The following GABRR2 variants were observed in gnomAD, a reference collection of about 807,000 sequenced individuals.
The protein encoded by GABRR2 is gamma-aminobutyric acid receptor subunit rho-2.
A neutral mutation model predicts 47.0 loss-of-function variants in GABRR2; 36 were observed. The ratio of observed to expected loss-of-function variants is 0.77; its 90% CI spans 0.59 to 1.01. GABRR2 has a LOEUF of 1.01. Among genes scored for constraint, GABRR2 ranks in the 50% least tolerant of loss-of-function variants. The pLI is 0.00. For synonymous variants in GABRR2, 204 were observed against 227.5 expected, an observed-to-expected ratio of 0.90 and a Z score of 0.93; for missense variants, 587 against 594.6, an observed-to-expected ratio of 0.99 and a Z score of 0.13.
chr6:89,262,297 G>A (rs1192184612), intron 8 of GABRR2, among the ~76,000 whole-genome samples: 1 of 152,148 alleles, frequency 6.6e-6, no homozygotes, highest in Non-Finnish European at 1.5e-5. Flanking sequence ...GGTGAACATG[G>A]GTTGTATGTT....
At chr6:89,261,776 G>A (rs1582432488) in intron 8 of GABRR2, among the ~76,000 whole-genome samples, 1 of 152,166 alleles carries the variant, frequency 6.6e-6, no homozygotes, top group South Asian at 2.1e-4. Context: ...GGTGGTTCAT[G>A]CCTGTAATCC....
intron 1 of GABRR2, chr6:89,302,164 T>C: frequency 1.7e-6 from 1 of 574,662 alleles, no homozygotes; most frequent in Admixed American, 2.1e-5. Flanking sequence ...ACTGCGACGG[T>C]CTGTAGGGTT....
At chr6:89,268,912 C>A in intron 4 of GABRR2, 99 bp downstream of exon 4, 1 of 1,081,076 alleles carries the variant, frequency 9.3e-7, no homozygotes, top group East Asian at 2.5e-5. Context: ...TCCACGAACC[C>A]ACAGACCCAA....
chr6:89,304,008 G>A (rs1389664240), intron 1 of GABRR2, among the ~76,000 whole-genome samples: 1 of 152,122 alleles, frequency 6.6e-6, no homozygotes, highest in African/African-American at 2.4e-5. Flanking sequence ...AACCCTGGAA[G>A]ACACCCTAGG....
chr6:89,300,547 C>T (rs1767398045), intron 1 of GABRR2, among the ~76,000 whole-genome samples: 1 of 151,774 alleles, frequency 6.6e-6, no homozygotes, highest in South Asian at 2.1e-4. Context: ...ACTGACCCCA[C>T]AGAAATACAA....
intron 2 of GABRR2, among the ~76,000 whole-genome samples, chr6:89,288,838 A>G (rs951530260): frequency 1.3e-5 from 2 of 152,084 alleles, no homozygotes; most frequent in Admixed American, 1.3e-4. Flanking sequence ...TATAAAGACC[A>G]GGTCTCACTG....
chr6:89,265,802 T>A, intron 6 of GABRR2, 37 bp from the exon 7 acceptor site: 1 of 1,605,140 alleles, frequency 6.2e-7, no homozygotes, highest in Non-Finnish European at 8.5e-7. Context: ...AGGTTCCATC[T>A]GAGAGGTGAA....
intron 8 of GABRR2, 104 bp downstream of exon 8, chr6:89,264,308 C>T (rs1344968265): frequency 1.5e-6 from 2 of 1,312,596 alleles, no homozygotes; most frequent in African/African-American, 3.0e-5. Flanking sequence ...GCACAAACAT[C>T]TCCTTTTTCT....
intron 1 of GABRR2, chr6:89,302,829 A>G: frequency 1.4e-6 from 2 of 1,396,110 alleles, no homozygotes; most frequent in Non-Finnish European, 2.0e-6. Flanking sequence ...CGTGTGTGAC[A>G]TCCCACCCCC....
intron 1 of GABRR2, among the ~76,000 whole-genome samples, chr6:89,310,125 G>A (rs1767655035): frequency 6.6e-6 from 1 of 151,854 alleles, no homozygotes; most frequent in Admixed American, 6.6e-5. Flanking sequence ...CACCATTATG[G>A]TATCATATAG....
At chr6:89,265,570 G>GA in intron 7 of GABRR2, 43 bp downstream of exon 7, 1 of 1,556,278 alleles carries the variant, frequency 6.4e-7, no homozygotes, top group Non-Finnish European at 8.7e-7. Context: ...GTGATAAGTT[G>GA]AAAAAAATAA....
intron 2 of GABRR2, among the ~76,000 whole-genome samples, chr6:89,284,057 G>A (rs1774295503): frequency 6.6e-6 from 1 of 152,122 alleles, no homozygotes; most frequent in Non-Finnish European, 1.5e-5. Flanking sequence ...GGTTGGGGTT[G>A]TTTCAAGAGA....
At chr6:89,303,746 G>A (rs1708503400) in intron 1 of GABRR2, among the ~76,000 whole-genome samples, 2 of 151,394 alleles carry the variant, frequency 1.3e-5, no homozygotes, top group Admixed American at 6.6e-5. Flanking sequence ...GCATGGTACT[G>A]GTACAAAAAC....
intron 2 of GABRR2, among the ~76,000 whole-genome samples, chr6:89,281,090 A>T (rs1413508952): frequency 6.6e-6 from 1 of 152,252 alleles, no homozygotes; most frequent in Non-Finnish European, 1.5e-5. Flanking sequence ...AAGACCTTCC[A>T]TGTGTCAGTG....
rs1018417976 is a variant in GABRR2 at position 89,254,675 on chromosome 6, T to G, written c.*2995A>C. ...ATCATTCATGCATTCCTGATAACAA[T>G]TGTGTTTGCTTCTCTGTCTTCCTGC... On this transcript the variant is annotated 3_prime_UTR_variant, in exon 9 of 9. Transcript: ENST00000402938. Among the ~76,000 whole-genome samples, 1 of 152,198 alleles carries G rather than the reference T, an allele frequency of 6.6e-6. No homozygotes were observed. The highest frequency in any genetic ancestry group is 6.5e-5 in the Admixed American group (1 of 15,280).
intron 1 of GABRR2, among the ~76,000 whole-genome samples, chr6:89,313,975 C>T (rs547779047): frequency 6.7e-6 from 1 of 149,708 alleles, no homozygotes. Flanking sequence ...GCAGTTGCCA[C>T]TGGGATACTG....
At chr6:89,270,213 C>T (rs1266548898) in intron 3 of GABRR2, among the ~76,000 whole-genome samples, 1 of 152,242 alleles carries the variant, frequency 6.6e-6, no homozygotes, top group Non-Finnish European at 1.5e-5. Context: ...GGCTATTTCC[C>T]TTCTCGGTCA....
chr6:89,273,919 C>T (rs971907231), intron 2 of GABRR2, among the ~76,000 whole-genome samples: 1 of 152,240 alleles, frequency 6.6e-6, no homozygotes, highest in Admixed American at 6.5e-5. Context: ...CTGCTGGATA[C>T]AGCAGTCCCA....
intron 2 of GABRR2, among the ~76,000 whole-genome samples, chr6:89,284,268 T>C (rs1774298301): frequency 6.6e-6 from 1 of 152,180 alleles, no homozygotes. Context: ...TGTTTACATA[T>C]GTAAAAATTC....
Sources: allele counts gnomAD v4.1 joint callset (sites outside exome capture counted in the v4.1 genomes callset), GRCh38; gene constraint gnomAD v4.1.1; transcripts MANE v1.5; gene names NCBI Gene and HGNC (gene_info 2026-07-23, HGNC 2026-07-21).